The following TGFA variants were observed in gnomAD, a reference collection of about 807,000 sequenced individuals.
TGFA encodes the protein protransforming growth factor alpha.
A neutral mutation model predicts 21.7 loss-of-function variants in TGFA; 12 were observed. That is an observed-to-expected ratio of 0.55 (90% confidence interval 0.35 to 0.90). TGFA has a LOEUF of 0.90. TGFA is among the 40% of genes least tolerant of loss of function. The pLI is 0.01. For synonymous variants in TGFA, 79 were observed against 88.1 expected (o/e 0.90, Z 0.58); for missense variants, 178 against 210.8 (o/e 0.84, Z 0.96).
intron 1 of TGFA, among the ~76,000 whole-genome samples, chr2:70,518,886 C>A (rs1163708391): frequency 2.0e-5 from 3 of 152,204 alleles, no homozygotes; most frequent in Non-Finnish European, 4.4e-5. Flanking sequence ...CTGCATGGAT[C>A]AGTTGCTCCC....
intron 1 of TGFA, among the ~76,000 whole-genome samples, chr2:70,519,173 C>T (rs1375527335): frequency 1.3e-5 from 2 of 152,098 alleles, no homozygotes; most frequent in African/African-American, 2.4e-5. Flanking sequence ...AGGTTTCCCC[C>T]TTCCTCCCCT....
chr2:70,535,914 C>T (rs906262817), intron 1 of TGFA, among the ~76,000 whole-genome samples: 1 of 152,166 alleles, frequency 6.6e-6, no homozygotes, highest in African/African-American at 2.4e-5. Context: ...GAAATTATGA[C>T]CTCAATAAAA....
chr2:70,476,080 C>CAAAAAAAAAAAAAAAA (rs1175233983), intron 2 of TGFA, among the ~76,000 whole-genome samples: 3 of 55,648 alleles, frequency 5.4e-5, no homozygotes, highest in African/African-American at 6.9e-5. Context: ...TAATTTTAAG[C>CAAAAAAAAAAAAAAAA]AAAAAAAAAA....
chr2:70,525,722 C>G (rs1437585079), intron 1 of TGFA, among the ~76,000 whole-genome samples: 2 of 152,018 alleles, frequency 1.3e-5, no homozygotes, highest in Non-Finnish European at 2.9e-5. Context: ...CAGATTTACT[C>G]CCTTTCACTG....
At chr2:70,475,300 C>A (rs1487024492) in intron 2 of TGFA, among the ~76,000 whole-genome samples, 2 of 152,142 alleles carry the variant, frequency 1.3e-5, no homozygotes, top group Admixed American at 6.5e-5. Flanking sequence ...CTATGCCCAG[C>A]ATTTTATAGA....
At chr2:70,473,296 A>G (rs1255623113) in intron 2 of TGFA, among the ~76,000 whole-genome samples, 24 of 152,206 alleles carry the variant, frequency 1.6e-4, no homozygotes, top group Non-Finnish European at 3.1e-4. Context: ...AGAACTGCTA[A>G]GCCAGAGCTT....
chr2:70,528,339 A>G (rs1000381311), intron 1 of TGFA, among the ~76,000 whole-genome samples: 1 of 152,194 alleles, frequency 6.6e-6, no homozygotes, highest in Non-Finnish European at 1.5e-5. Context: ...GGGAGAAGCA[A>G]TGACCAGCTT....
At chr2:70,465,307 G>C (rs1670520846) in intron 3 of TGFA, among the ~76,000 whole-genome samples, 1 of 152,180 alleles carries the variant, frequency 6.6e-6, no homozygotes, top group Non-Finnish European at 1.5e-5. Context: ...AATTAAATTT[G>C]AATCCAAGAA....
chr2:70,456,669 C>T lies in TGFA; in HGVS notation c.216-181G>A, dbSNP rs992589030. On this transcript the variant is annotated intron_variant, in intron 3 of 5. Coordinates refer to ENST00000295400, the MANE Select transcript of TGFA (RefSeq NM_003236.4). The stretch of plus-strand genomic sequence containing the variant: ...ATGCCTGTTTCCCTGTCGCAGGCAC[C>T]GCTGCTTATGTGGAGAAGGGAAGGG... 1.8e-4 allele frequency among the ~76,000 whole-genome samples: 28 copies of T among 152,196 alleles called. 1 individual carries two copies. The highest frequency in any genetic ancestry group is 1.4e-3 in the Admixed American group (22 of 15,282).
intron 2 of TGFA, among the ~76,000 whole-genome samples, chr2:70,474,735 C>T (rs1328260763): frequency 1.3e-5 from 2 of 152,186 alleles, no homozygotes; most frequent in Non-Finnish European, 2.9e-5. Context: ...GAGCTCAGAG[C>T]AGGCCTAAGA....
intron 1 of TGFA, among the ~76,000 whole-genome samples, chr2:70,539,823 T>C (rs113021608): frequency 1.8e-3 from 273 of 152,324 alleles, no homozygotes; most frequent in African/African-American, 6.4e-3. Context: ...TAGAAAACAA[T>C]GTTATGACTT....
chr2:70,528,523 G>A (rs1172557136), intron 1 of TGFA, among the ~76,000 whole-genome samples: 1 of 150,712 alleles, frequency 6.6e-6, no homozygotes, highest in Non-Finnish European at 1.5e-5. Flanking sequence ...GATGTGGGGG[G>A]CGGGTGGGTC....
rs1669972185 is a variant in TGFA, at chr2:70,449,054, T to C, written c.*1805A>G. On this transcript the variant is annotated 3_prime_UTR_variant, in exon 6 of 6. Coordinates refer to ENST00000295400, the MANE Select transcript of TGFA (RefSeq NM_003236.4). The stretch of plus-strand genomic sequence containing the variant: ...TGTAAACTTGAACTTATTTTAGTAA[T>C]TTAAAAACCTGGAGCTGTGTCAACT... 1 of 152,168 alleles carries C rather than the reference T, an allele frequency of 6.6e-6. No individual in the cohort carries two copies. The highest frequency in any genetic ancestry group is 3.2e-3 in the Middle Eastern group (1 of 316). 9.4% of individuals were successfully genotyped at this position (152,168 alleles called of 1,614,324 possible). A position where few individuals can be genotyped will look rare whatever the true frequency, so the allele number is the denominator to read the frequency against.
chr2:70,449,131 T>C lies in TGFA; in HGVS notation c.*1728A>G, dbSNP rs1414610315. On this transcript the variant is annotated 3_prime_UTR_variant, in exon 6 of 6. Coordinates refer to ENST00000295400, the MANE Select transcript of TGFA (RefSeq NM_003236.4). ...AGATCCAAGTGCTTCAGGTGTGGCA[T>C]TGTTAAATAAGAGTGCCAAAAATGA... The C allele has an allele frequency of 6.6e-6, 1 of 152,184 alleles. No individual in the cohort carries two copies. Among genetic ancestry groups the C allele is most frequent in the African/African-American group, 2.4e-5 (1 of 41,444 alleles). The allele number at this position is 152,184 out of a possible 1,614,324, so 9.4% of individuals were successfully genotyped here. A position where few individuals can be genotyped will look rare whatever the true frequency, so the allele number is the denominator to read the frequency against.
At chr2:70,475,268 G>T (rs1012427467) in intron 2 of TGFA, among the ~76,000 whole-genome samples, 33 of 152,272 alleles carry the variant, frequency 2.2e-4, no homozygotes, top group African/African-American at 7.5e-4. Flanking sequence ...GCTACTATTG[G>T]ATTGTCCACC....
chr2:70,541,337 G>A (rs1201697008), intron 1 of TGFA, among the ~76,000 whole-genome samples: 1 of 152,162 alleles, frequency 6.6e-6, no homozygotes, highest in Non-Finnish European at 1.5e-5. Flanking sequence ...TATACTGTAA[G>A]CGAAAAGCAG....
At position 70,450,188 on chromosome 2, in the gene TGFA, G is replaced by A. The variant is rs1310715878; in HGVS notation, c.*671C>T. On this transcript the variant is annotated 3_prime_UTR_variant, in exon 6 of 6. Transcript: ENST00000295400. Reference sequence around the variant, plus strand: ...ATCATTAATGTAGAAGTCTGAAGGGGTTTTATACTTTTTACATTGACTTAA... The same window carrying A: ...ATCATTAATGTAGAAGTCTGAAGGGATTTTATACTTTTTACATTGACTTAA... 1 of 152,164 alleles carries A rather than the reference G, an allele frequency of 6.6e-6. No homozygotes were observed. The highest frequency in any genetic ancestry group is 1.5e-5 in the Non-Finnish European group (1 of 68,070). 9.4% of individuals were successfully genotyped at this position (152,164 alleles called of 1,614,324 possible).
At position 70,476,093 on chromosome 2, in the gene TGFA, A is replaced by AAT. The variant is rs1553494288; in HGVS notation, c.95-10358_95-10357insAT. On this transcript the variant is annotated intron_variant, in intron 2 of 5. Coordinates refer to ENST00000295400, the MANE Select transcript of TGFA (RefSeq NM_003236.4). ...AGTAATTTTAAGCAAAAAAAAAAAA[A>AAT]AAAAAAAAAAAAAATTAAGAAAATT... 2.6e-3 allele frequency among the ~76,000 whole-genome samples: 389 copies of AAT among 150,038 alleles called. 8 individuals are homozygous for AAT. The highest frequency in any genetic ancestry group is 9.1e-3 in the African/African-American group (367 of 40,410).
chr2:70,450,735 G>GTGAT lies in TGFA; in HGVS notation c.*120_*123dup. 1 of 1,103,816 alleles carries GTGAT rather than the reference G, an allele frequency of 9.1e-7. No homozygotes were observed. The highest frequency in any genetic ancestry group is 1.3e-6 in the Non-Finnish European group (1 of 742,412). The allele number at this position is 1,103,816 out of a possible 1,614,324, so 68.4% of individuals were successfully genotyped here. A position where few individuals can be genotyped will look rare whatever the true frequency, so the allele number is the denominator to read the frequency against. On this transcript the variant is annotated 3_prime_UTR_variant, in exon 6 of 6. Coordinates refer to ENST00000295400, the MANE Select transcript of TGFA (RefSeq NM_003236.4). ...TGAAGGCCCACAAAAGGCTGCACAG[G>GTGAT]TGATTACAGGCCAAGTAGGAAGGTC...
Sources: gnomAD v4.1 joint callset for allele counts (sites outside exome capture counted in the v4.1 genomes callset) on GRCh38, gnomAD v4.1.1 for gene constraint, MANE v1.5 for transcripts, NCBI Gene and HGNC (gene_info 2026-07-23, HGNC 2026-07-21) for gene names.